Variants in MEST observed in about 807,000 individuals in gnomAD.
The protein encoded by MEST is mesoderm-specific transcript homolog protein.
In MEST, 18 loss-of-function variants were observed where a neutral mutation model predicts 50.9. The ratio of observed to expected loss-of-function variants is 0.35; its 90% CI spans 0.24 to 0.52. The LOEUF is 0.52. Among genes scored for constraint, MEST ranks in the 20% least tolerant of loss-of-function variants. The pLI is 0.94. For synonymous variants in MEST, 130 were observed against 154.1 expected, an observed-to-expected ratio of 0.84 and a Z score of 1.16; for missense variants, 282 against 425.3, an observed-to-expected ratio of 0.66 and a Z score of 2.96.
upstream of MEST, among the ~76,000 whole-genome samples, chr7:130,490,477 T>G (rs1184944915): frequency 2.6e-5 from 4 of 152,170 alleles, no homozygotes; most frequent in East Asian, 7.7e-4. Context: ...TCCTCCCCTG[T>G]GCGCCCTCAA....
At chr7:130,503,571 G>A (rs926966956) in intron 10 of MEST, among the ~76,000 whole-genome samples, 2 of 152,192 alleles carry the variant, frequency 1.3e-5, no homozygotes, top group Non-Finnish European at 2.9e-5. Flanking sequence ...CTTTTTGGGA[G>A]GCTGAGGTGG....
At chr7:130,490,509 G>A (rs528362285), upstream of MEST, among the ~76,000 whole-genome samples, 3 of 152,290 alleles carry the variant, frequency 2.0e-5, no homozygotes, top group South Asian at 4.1e-4. Flanking sequence ...CATTCAAGCA[G>A]TATTTATTAG....
At chr7:130,495,975 C>A in intron 2 of MEST, 1 of 390,178 alleles carries the variant, frequency 2.6e-6, no homozygotes, top group Non-Finnish European at 5.0e-6. Flanking sequence ...CACTACTTAT[C>A]AAGTAATTAC....
intron 11 of MEST, 30 bp downstream of exon 11, chr7:130,504,026 TG>T: frequency 6.4e-7 from 1 of 1,568,970 alleles, no homozygotes. Flanking sequence ...GTCTATGTTT[TG>T]TTAGTATCTC....
At chr7:130,493,315 A>C (rs1327465780) in intron 1 of MEST, 1 of 152,144 alleles carries the variant, frequency 6.6e-6, no homozygotes, top group Non-Finnish European at 1.5e-5. Flanking sequence ...TTCTGTTTAC[A>C]AGATGAAGAA....
At chr7:130,504,809 G>A (rs1799416332) in intron 11 of MEST, 130 bp from the exon 12 acceptor site, 3 of 614,868 alleles carry the variant, frequency 4.9e-6, no homozygotes, top group East Asian at 5.1e-5. Context: ...CAGAGTAGAA[G>A]GTGAATAAGC....
chr7:130,503,909 T>G (rs565521755), intron 10 of MEST, 24 bp from the exon 11 acceptor site: 1 of 1,578,690 alleles, frequency 6.3e-7, no homozygotes, highest in East Asian at 2.2e-5. Context: ...CTGTTAAGTA[T>G]TTCATTCCTT....
upstream of MEST, chr7:130,488,431 A>G (rs1554434314): frequency 2.0e-5 from 3 of 152,220 alleles, no homozygotes; most frequent in African/African-American, 7.2e-5. Context: ...TCCTTCTTCT[A>G]CTTACTCCAC....
At chr7:130,498,620 C>T in intron 6 of MEST, 143 bp downstream of exon 6, 1 of 747,460 alleles carries the variant, frequency 1.3e-6, no homozygotes, top group Non-Finnish European at 2.3e-6. Context: ...GTGCCATCAA[C>T]TCCTTTGGTG....
At chr7:130,491,161 G>A (rs1390521631), upstream of MEST, 5 of 152,280 alleles carry the variant, frequency 3.3e-5, no homozygotes, top group African/African-American at 1.2e-4. This position sits in a 1 kb window ranked among gnomAD's most constrained non-coding sequence, Gnocchi z 6.8. Flanking sequence ...AGGCGTAAGG[G>A]ATGCCTTTTA....
At position 130,500,697 on chromosome 7, in the gene MEST, T is replaced by C; in HGVS notation, c.648-92T>C. Reference sequence around the variant, plus strand: ...TAAATCACTTATGGGTCAGACTGCATGGCCCAGACTGCATGGCCTCTGAGG... The same window carrying C: ...TAAATCACTTATGGGTCAGACTGCACGGCCCAGACTGCATGGCCTCTGAGG... On this transcript the variant is annotated intron_variant, in intron 8 of 11. Transcript: ENST00000223215. This position sits in a 1 kb window ranked among gnomAD's most constrained non-coding sequence, Gnocchi z 5.0. 1 of 1,222,060 alleles carries C rather than the reference T, an allele frequency of 8.2e-7. No homozygotes were observed. 75.7% of individuals were successfully genotyped at this position (1,222,060 alleles called of 1,614,324 possible). A position where few individuals can be genotyped will look rare whatever the true frequency, so the allele number is the denominator to read the frequency against.
Position 130,500,092 on chromosome 7 carries a change from C to T in MEST, c.576+177C>T. 1 of 595,680 alleles carries T rather than the reference C, an allele frequency of 1.7e-6. No individual in the cohort carries two copies. Among genetic ancestry groups the T allele is most frequent in the Non-Finnish European group, 2.9e-6 (1 of 347,452 alleles). 36.9% of individuals were successfully genotyped at this position (595,680 alleles called of 1,614,324 possible). A position where few individuals can be genotyped will look rare whatever the true frequency, so the allele number is the denominator to read the frequency against. ...AGGCAACTAAAGCAGAGGCAGTGGC[C>T]CCTACGTAAACCCAAAACCAATCCT... On this transcript the variant is annotated intron_variant, in intron 7 of 11. Coordinates refer to ENST00000223215, the MANE Select transcript of MEST (RefSeq NM_002402.4). The surrounding 1 kb of genome is among the most constrained non-coding windows in gnomAD (Gnocchi z 5.0).
rs996534665 is a variant in MEST at position 130,497,665 on chromosome 7, G to T, written c.262-271G>T. ...TGCTTTTAAAAAAACATTAAATGTTGAACTGTTCCTTATTTACTGAAGGGA... is the reference window on the plus strand; with the variant it reads ...TGCTTTTAAAAAAACATTAAATGTTTAACTGTTCCTTATTTACTGAAGGGA... On this transcript the variant is annotated intron_variant, in intron 3 of 11. Coordinates refer to ENST00000223215, the MANE Select transcript of MEST (RefSeq NM_002402.4). This position sits in a 1 kb window ranked among gnomAD's most constrained non-coding sequence, Gnocchi z 4.0. 13 of 469,220 alleles carry T rather than the reference G, an allele frequency of 2.8e-5. No homozygotes were observed. The highest frequency in any genetic ancestry group is 2.5e-4 in the African/African-American group (13 of 51,394). The allele number at this position is 469,220 out of a possible 1,614,324, so 29.1% of individuals were successfully genotyped here.
chr7:130,490,424 A>G (rs1554434861), upstream of MEST, among the ~76,000 whole-genome samples: 1 of 152,058 alleles, frequency 6.6e-6, no homozygotes, highest in African/African-American at 2.4e-5. Context: ...GTAAATGTCT[A>G]TTCATCATTC....
Position 130,492,915 on chromosome 7 carries a change from G to A in MEST, c.26+576G>A, listed in dbSNP as rs1554435781. 6.6e-6 allele frequency among the ~76,000 whole-genome samples: 1 copy of A among 151,002 alleles called. No individual in the cohort carries two copies. The highest frequency in any genetic ancestry group is 1.5e-5 in the Non-Finnish European group (1 of 67,740). ...GTAGGATTTTTAGAACCCCAGCATCGCTCTGGTGCGACTTAAAGGATAGGC... is the reference window on the plus strand; with the variant it reads ...GTAGGATTTTTAGAACCCCAGCATCACTCTGGTGCGACTTAAAGGATAGGC... On this transcript the variant is annotated intron_variant, in intron 1 of 11. Coordinates refer to ENST00000223215, the MANE Select transcript of MEST (RefSeq NM_002402.4). The surrounding 1 kb of genome is among the most constrained non-coding windows in gnomAD (Gnocchi z 7.6).
upstream of MEST, among the ~76,000 whole-genome samples, chr7:130,491,905 G>A (rs1554435336): frequency 6.6e-6 from 1 of 151,990 alleles, no homozygotes; most frequent in African/African-American, 2.4e-5. This position sits in a 1 kb window ranked among gnomAD's most constrained non-coding sequence, Gnocchi z 6.8. Context: ...CCCTGAAGGT[G>A]CCCCCTAAAG....
chr7:130,504,294 AC>A (rs1343671003), intron 11 of MEST, among the ~76,000 whole-genome samples: 16 of 152,242 alleles, frequency 1.1e-4, no homozygotes, highest in African/African-American at 3.6e-4. Flanking sequence ...AAGTGGATAT[AC>A]CTACAAAGTG....
Position 130,492,240 on chromosome 7 carries a change from C to T in MEST, c.-74C>T, listed in dbSNP as rs1199725242. 77 of 1,251,530 alleles carry T rather than the reference C, an allele frequency of 6.2e-5. No individual in the cohort carries two copies. Among genetic ancestry groups the T allele is most frequent in the African/African-American group, 1.6e-5 (1 of 63,518 alleles). 77.5% of individuals were successfully genotyped at this position (1,251,530 alleles called of 1,614,324 possible). ...GGGCTGCGCCCCCGCTGCTGGCCAGCTCTGCACGGCTGCGGGCTCTGCGGC... is the reference window on the plus strand; with the variant it reads ...GGGCTGCGCCCCCGCTGCTGGCCAGTTCTGCACGGCTGCGGGCTCTGCGGC... On this transcript the variant is annotated 5_prime_UTR_variant, in exon 1 of 12. Coordinates refer to ENST00000223215, the MANE Select transcript of MEST (RefSeq NM_002402.4). The surrounding 1 kb of genome is among the most constrained non-coding windows in gnomAD (Gnocchi z 7.6).
chr7:130,495,763 T>C (rs2116253919), intron 2 of MEST: 1 of 379,434 alleles, frequency 2.6e-6, no homozygotes, highest in African/African-American at 2.1e-5. Context: ...TAGCTTGATA[T>C]GTATTCCAAT....
Sources: allele counts gnomAD v4.1 joint callset (sites outside exome capture counted in the v4.1 genomes callset), GRCh38; gene constraint gnomAD v4.1.1; non-coding constraint Gnocchi (gnomAD v3.1); transcripts MANE v1.5; gene names NCBI Gene and HGNC (gene_info 2026-07-23, HGNC 2026-07-21).